The following MED12L variants were observed in gnomAD, a reference collection of about 807,000 sequenced individuals.
The protein encoded by MED12L is mediator of RNA polymerase II transcription subunit 12-like protein.
MED12L carries 60 observed loss-of-function variants against 281.3 expected under a neutral mutation model. The observed-to-expected ratio is 0.21, with a 90% CI of 0.17 to 0.26. The LOEUF (loss-of-function observed/expected upper bound fraction) is 0.26, where lower values mean the gene tolerates loss of function less well. Among genes scored for constraint, MED12L ranks in the 10% least tolerant of loss-of-function variants. MED12L has a pLI of 1.00. For missense variants in MED12L, 2,146 were observed against 2,680.9 expected (o/e 0.80, Z 4.41); for synonymous variants, 974 against 987.2 (o/e 0.99, Z 0.25).
At chr3:151,181,888 A>G (rs1722743911) in intron 11 of MED12L, among the ~76,000 whole-genome samples, 1 of 152,098 alleles carries the variant, frequency 6.6e-6, no homozygotes, top group Admixed American at 6.6e-5. Context: ...CCAGTCTGTC[A>G]TTTGTAATAA....
rs535769630 is a variant in MED12L, at chr3:151,283,512, G to A, written c.2251-66547G>A. ...ATGTGTCATCTCTGATTATCTTCCT[G>A]TTGTTCCCATTTGCTTGCAAGACTC... On this transcript the variant is annotated intron_variant, in intron 16 of 44. Transcript: ENST00000687756. Among the ~76,000 whole-genome samples, 20 of 152,292 alleles carry A rather than the reference G, an allele frequency of 1.3e-4. No homozygotes were observed. In the East Asian group the frequency reaches 3.5e-3, roughly 26 times the overall value.
intron 2 of MED12L, among the ~76,000 whole-genome samples, chr3:151,108,950 A>G (rs1039522987): frequency 2.0e-5 from 3 of 152,206 alleles, no homozygotes; most frequent in Non-Finnish European, 4.4e-5. Flanking sequence ...ATTGAAATTA[A>G]AAGATTGCTT....
chr3:151,394,061 T>C (rs1447262887), intron 38 of MED12L, among the ~76,000 whole-genome samples: 1 of 152,188 alleles, frequency 6.6e-6, no homozygotes, highest in African/African-American at 2.4e-5. Flanking sequence ...TTCTTAAGCA[T>C]CGGTATAATA....
chr3:151,103,079 C>G (rs1029927838), intron 2 of MED12L, among the ~76,000 whole-genome samples: 4 of 152,204 alleles, frequency 2.6e-5, no homozygotes, highest in African/African-American at 9.7e-5. Flanking sequence ...AATGCAAGAA[C>G]TATATGGCAT....
chr3:151,109,502 C>T (rs2148702315), intron 2 of MED12L, among the ~76,000 whole-genome samples: 1 of 152,284 alleles, frequency 6.6e-6, no homozygotes, highest in South Asian at 2.1e-4. Flanking sequence ...TAGTCGAAAC[C>T]AATGACAAGA....
chr3:151,368,764 T>A (rs1475249426), intron 25 of MED12L, among the ~76,000 whole-genome samples: 4 of 138,014 alleles, frequency 2.9e-5, no homozygotes, highest in Admixed American at 7.6e-5. Flanking sequence ...CATTTCATTT[T>A]TTTTTTTTTT....
intron 43 of MED12L, among the ~76,000 whole-genome samples, chr3:151,426,917 A>G (rs1168382879): frequency 6.6e-6 from 1 of 151,874 alleles, no homozygotes; most frequent in East Asian, 1.9e-4. Context: ...TCATGGGCTC[A>G]AGTGATCCTC....
chr3:151,385,004 T>A, intron 35 of MED12L, 26 bp from the exon 36 acceptor site: 2 of 814,498 alleles, frequency 2.5e-6, no homozygotes, highest in Non-Finnish European at 3.8e-6. Context: ...CACTTCTCAC[T>A]CTCTCTCTCT....
At chr3:151,229,393 G>A (rs1300910412) in intron 16 of MED12L, among the ~76,000 whole-genome samples, 10 of 141,448 alleles carry the variant, frequency 7.1e-5, no homozygotes, top group South Asian at 2.2e-4. Flanking sequence ...CTGCAACCTC[G>A]CCTCCCGGGT....
intron 16 of MED12L, among the ~76,000 whole-genome samples, chr3:151,348,737 AAGAC>A (rs1438305987): frequency 1.1e-4 from 16 of 152,318 alleles, no homozygotes; most frequent in African/African-American, 3.4e-4. Context: ...GTCCCTGAGA[AAGAC>A]AGACCGACAC....
intron 21 of MED12L, among the ~76,000 whole-genome samples, chr3:151,361,864 T>G (rs1221674837): frequency 2.0e-5 from 3 of 152,148 alleles, no homozygotes; most frequent in African/African-American, 7.2e-5. Flanking sequence ...CGTTGTATCT[T>G]AGCACTTGCT....
At position 151,394,880 on chromosome 3, in the gene MED12L, C is replaced by G; in HGVS notation, c.5820+13C>G. 3.7e-6 allele frequency: 6 copies of G among 1,613,444 alleles called. No homozygotes were observed. In the Admixed American group the frequency reaches 1.0e-4, roughly 27 times the overall value. On this transcript the variant is annotated intron_variant, in intron 39 of 44. Transcript: ENST00000687756. Reference sequence around the variant, plus strand: ...GCCTTTCCAACAGGTTTGTCCAGACCCCAGCAATGGAGTCCTTTGCATTTT... The same window carrying G: ...GCCTTTCCAACAGGTTTGTCCAGACGCCAGCAATGGAGTCCTTTGCATTTT...
rs77891814 is a variant in MED12L, at chr3:151,271,343, A to G, written c.2250+77677A>G. 3.0e-3 allele frequency among the ~76,000 whole-genome samples: 454 copies of G among 152,352 alleles called. 2 individuals are homozygous for G. Among genetic ancestry groups the G allele is most frequent in the African/African-American group, 0.01 (436 of 41,582 alleles). ...ACTTTCACCCATTAGAATGGAAAAAAACTTGACAATGTTAAGAATTGACGA... is the reference window on the plus strand; with the variant it reads ...ACTTTCACCCATTAGAATGGAAAAAGACTTGACAATGTTAAGAATTGACGA... On this transcript the variant is annotated intron_variant, in intron 16 of 44. Transcript: ENST00000687756.
chr3:151,159,004 T>TA (rs538814304), intron 7 of MED12L, among the ~76,000 whole-genome samples: 204 of 152,392 alleles, frequency 1.3e-3, no homozygotes, highest in Non-Finnish European at 2.2e-3. Flanking sequence ...TGGTAGTTTT[T>TA]ATCCATGTGT....
At position 151,167,469 on chromosome 3, in the gene MED12L, A is replaced by G. The variant is rs1050632968; in HGVS notation, c.1494+1487A>G. Reference sequence around the variant, plus strand: ...TGTGGAAAGAAAAGATGAAACAGCAACAACAACCACCATCAAAAACCTTTC... The same window carrying G: ...TGTGGAAAGAAAAGATGAAACAGCAGCAACAACCACCATCAAAAACCTTTC... On this transcript the variant is annotated intron_variant, in intron 11 of 44. Transcript: ENST00000687756. 2.6e-5 allele frequency among the ~76,000 whole-genome samples: 4 copies of G among 152,258 alleles called. No homozygotes were observed. The South Asian group carries it at 8.3e-4, about 31-fold the overall frequency.
chr3:151,190,263 C>T (rs1723797926), intron 13 of MED12L, among the ~76,000 whole-genome samples: 1 of 151,962 alleles, frequency 6.6e-6, no homozygotes, highest in Non-Finnish European at 1.5e-5. Flanking sequence ...CCTCCGCCTC[C>T]CGGGTTCAAG....
intron 16 of MED12L, among the ~76,000 whole-genome samples, chr3:151,320,398 A>G (rs1295388290): frequency 6.6e-6 from 1 of 152,204 alleles, no homozygotes; most frequent in East Asian, 1.9e-4. Flanking sequence ...TGCAACAAGG[A>G]TTATAGTAAA....
At chr3:151,213,931 G>A (rs1320502888) in intron 16 of MED12L, 2 of 1,614,022 alleles carry the variant, frequency 1.2e-6, no homozygotes, top group African/African-American at 2.7e-5. Context: ...GATGAAAGAA[G>A]TCCAAAGAGG....
chr3:151,164,017 G>T lies in MED12L; in HGVS notation c.1232G>T (p.Gly411Val). Residue 411 changes from glycine to valine, a missense_variant, in exon 9 of 45, where the codon GGT (glycine) becomes GTT (valine). Physicochemically the swap from Gly to Val is moderately radical, Grantham distance 109. Around this residue, in one of 9 missense-constraint regions of MED12L, gnomAD observed 722 missense variants for 861.2 expected, o/e 0.84. Coordinates refer to ENST00000687756, the MANE Select transcript of MED12L (RefSeq NM_001393769.1). ...GCCCCGTCCAGCCTCCCCATGCCGG[G>T]TGGGAACACGGCTTTCAATCAGCAG... ...QVAPSSLPMP[G>V]GNTAFNQQVR... The T allele has an allele frequency of 2.5e-6, 4 of 1,613,502 alleles. No homozygotes were observed. The highest frequency in any genetic ancestry group is 3.4e-6 in the Non-Finnish European group (4 of 1,179,678).
Sources: gnomAD v4.1 joint callset for allele counts (sites outside exome capture counted in the v4.1 genomes callset) on GRCh38, gnomAD v4.1.1 for gene constraint, gnomAD v4.1.1 regional missense constraint, MANE v1.5 for transcripts, NCBI Gene and HGNC (gene_info 2026-07-23, HGNC 2026-07-21) for gene names.